The following MBTPS1 variants were observed in gnomAD, a reference collection of about 807,000 sequenced individuals.
MBTPS1 encodes membrane bound transcription factor peptidase, site 1.
MBTPS1 carries 94 observed loss-of-function variants against 127.8 expected under a neutral mutation model. The observed-to-expected ratio is 0.74, with a 90% CI of 0.62 to 0.87. MBTPS1 has a LOEUF of 0.87. Ranked by LOEUF, MBTPS1 falls within the 40% of genes least tolerant of loss-of-function variation. MBTPS1 has a pLI of 0.00. For missense variants in MBTPS1, 1,636 were observed against 1,353.2 expected (o/e 1.21, Z -3.28); for synonymous variants, 632 against 509.4 (o/e 1.24, Z -3.24).
chr16:84,075,019 T>G, intron 11 of MBTPS1: 1 of 248,336 alleles, frequency 4.0e-6, no homozygotes, highest in African/African-American at 2.2e-5. Context: ...AGAGAATGAG[T>G]ACGTGACCAG....
chr16:84,101,018 A>G (rs935552759), intron 2 of MBTPS1, among the ~76,000 whole-genome samples: 2 of 150,802 alleles, frequency 1.3e-5, no homozygotes, highest in African/African-American at 4.9e-5. Context: ...AAAAAAAAAA[A>G]GGCCTGGCAC....
intron 3 of MBTPS1, among the ~76,000 whole-genome samples, chr16:84,097,503 G>T (rs575655539): frequency 2.0e-5 from 3 of 152,272 alleles, no homozygotes; most frequent in Admixed American, 6.5e-5. Context: ...TCAGGCACCC[G>T]GAACACACGC....
At chr16:84,091,015 ACCATAC>A in intron 7 of MBTPS1, 73 bp from the exon 8 acceptor site, 1 of 906,772 alleles carries the variant, frequency 1.1e-6, no homozygotes, top group African/African-American at 1.7e-5. Flanking sequence ...AAAAAAAAAA[ACCATAC>A]ACAACGTCTA....
chr16:84,101,074 G>T (rs545859695), intron 2 of MBTPS1, among the ~76,000 whole-genome samples: 133 of 151,774 alleles, frequency 8.8e-4, no homozygotes, highest in Non-Finnish European at 1.6e-3. Flanking sequence ...GCCAAGGCAG[G>T]CGGATCACGA....
intron 21 of MBTPS1, 54 bp downstream of exon 21, chr16:84,059,248 G>A (rs536756892): frequency 4.5e-6 from 7 of 1,566,942 alleles, no homozygotes; most frequent in African/African-American, 4.1e-5. Context: ...TATAAGAAAA[G>A]CAATGACTCA....
chr16:84,060,957 C>A, intron 19 of MBTPS1, 144 bp from the exon 20 acceptor site: 1 of 705,170 alleles, frequency 1.4e-6, no homozygotes, highest in Non-Finnish European at 2.3e-6. Context: ...CCTCAGCCTC[C>A]CAAGTAGCTG....
At chr16:84,100,758 A>C (rs569274505) in intron 2 of MBTPS1, among the ~76,000 whole-genome samples, 1 of 152,216 alleles carries the variant, frequency 6.6e-6, no homozygotes, top group Admixed American at 6.5e-5. Flanking sequence ...GTGTAGGTAA[A>C]TAATTCATGT....
intron 10 of MBTPS1, 56 bp downstream of exon 10, chr16:84,084,927 A>C (rs977466345): frequency 1.3e-6 from 2 of 1,574,154 alleles, no homozygotes; most frequent in Non-Finnish European, 1.7e-6. Flanking sequence ...CTCTGCTGGC[A>C]CCGAGTGCTC....
rs1213093703 is a variant in MBTPS1 at position 84,085,042 on chromosome 16, G to A, written c.1227C>T (p.Ala409=). 1.2e-6 allele frequency: 2 copies of A among 1,614,170 alleles called. No individual in the cohort carries two copies. The highest frequency in any genetic ancestry group is 1.7e-6 in the Non-Finnish European group (2 of 1,180,032). Residue 409 remains alanine, a synonymous_variant, in exon 10 of 23, where the codon GCC becomes GCT. Transcript: ENST00000343411. ...GAGAAGCAACACTGGTCCCTGAGAG[G>A]GCCCGGCACCCCCCTTTCACGCCAG... ...RGSGVKGGCR[A]LSGTSVASPV... is the part of the protein sequence containing the mutation.
Position 84,099,108 on chromosome 16 carries a change from G to C in MBTPS1, c.366C>G (p.Asn122Lys). 1.2e-6 allele frequency: 2 copies of C among 1,614,158 alleles called. No homozygotes were observed. ...AGLLTLEDHP[N>K]IKRVTPQRKV... ...TTCGTTGGGGCGTGACCCGTTTGATGTTTGGATGATCTTCAAGTGTTAGCA... is the reference window on the plus strand; with the variant it reads ...TTCGTTGGGGCGTGACCCGTTTGATCTTTGGATGATCTTCAAGTGTTAGCA... Residue 122 changes from asparagine (N) to lysine (K), a missense_variant, in exon 3 of 23, where the codon AAC (asparagine) becomes AAG (lysine). Physicochemically the swap from Asn to Lys is moderately conservative, Grantham distance 94 (BLOSUM62 0). Coordinates refer to ENST00000343411, the MANE Select transcript of MBTPS1 (RefSeq NM_003791.4).
rs1253004274 is a variant in MBTPS1, at chr16:84,087,283, C to T, written c.1134+75G>A. The T allele has an allele frequency of 3.5e-6, 4 of 1,139,922 alleles. No homozygotes were observed. The African/African-American group carries it at 6.1e-5, about 17-fold the overall frequency. 70.6% of individuals were successfully genotyped at this position (1,139,922 alleles called of 1,614,324 possible). On this transcript the variant is annotated intron_variant, in intron 9 of 22. Transcript: ENST00000343411. ...GTGCACTTACAAATACACCCCAAGGCTCGTCAACAACCGGTGCCACTAGCC... is the reference window on the plus strand; with the variant it reads ...GTGCACTTACAAATACACCCCAAGGTTCGTCAACAACCGGTGCCACTAGCC...
At chr16:84,113,256 T>G (rs12596367) in intron 1 of MBTPS1, among the ~76,000 whole-genome samples, 77,242 of 151,962 alleles carry the variant, frequency 0.51, 20,016 homozygotes, top group East Asian at 0.74. Flanking sequence ...GCTGTTACTG[T>G]ATCCACTAAA....
chr16:84,093,118 A>G (rs2086132333), intron 6 of MBTPS1, 70 bp downstream of exon 6: 5 of 994,860 alleles, frequency 5.0e-6, no homozygotes, highest in Admixed American at 3.4e-5. Flanking sequence ...AAGTGTGTAC[A>G]GTCCAGTGAT....
chr16:84,076,144 T>C (rs1469065859), intron 11 of MBTPS1, among the ~76,000 whole-genome samples: 2 of 152,240 alleles, frequency 1.3e-5, no homozygotes, highest in Non-Finnish European at 2.9e-5. Flanking sequence ...ATTAATATCA[T>C]AAACCATATA....
chr16:84,069,948 A>G lies in MBTPS1; in HGVS notation c.1873T>C (p.Trp625Arg). ...TAGCGGAGGTTGTGGTACTGATCCC[A>G]GAGAACTCTCTTGCTTCGCGGGGGA... ...PTPPRSKRVLWDQYHNLRYPP... is the reference protein window; with the variant it reads ...PTPPRSKRVLRDQYHNLRYPP... Residue 625 changes from tryptophan (W) to arginine (R), a missense_variant, in exon 14 of 23, where the codon TGG (tryptophan) becomes CGG (arginine). Physicochemically the swap from Trp to Arg is moderately radical, Grantham distance 101. Transcript: ENST00000343411. 1 of 1,614,096 alleles carries G rather than the reference A, an allele frequency of 6.2e-7. No homozygotes were observed. Among genetic ancestry groups the G allele is most frequent in the Non-Finnish European group, 8.5e-7 (1 of 1,179,948 alleles).
At chr16:84,107,125 C>G (rs975281542) in intron 1 of MBTPS1, among the ~76,000 whole-genome samples, 2 of 152,090 alleles carry the variant, frequency 1.3e-5, no homozygotes, top group African/African-American at 4.8e-5. Context: ...TGGCAAAAGA[C>G]AGAGGGCACA....
At chr16:84,107,642 A>G (rs1308991001) in intron 1 of MBTPS1, among the ~76,000 whole-genome samples, 1 of 152,146 alleles carries the variant, frequency 6.6e-6, no homozygotes, top group African/African-American at 2.4e-5. Context: ...GAGACCAGTA[A>G]ATGATGGCAG....
intron 11 of MBTPS1, among the ~76,000 whole-genome samples, chr16:84,078,965 G>A (rs2085899650): frequency 6.6e-6 from 1 of 152,188 alleles, no homozygotes; most frequent in Admixed American, 6.5e-5. Flanking sequence ...CCAATCTCAC[G>A]CTGACGTGTA....
intron 11 of MBTPS1, among the ~76,000 whole-genome samples, chr16:84,076,063 C>A (rs2085850385): frequency 6.6e-6 from 1 of 152,142 alleles, no homozygotes; most frequent in South Asian, 2.1e-4. Context: ...CAGAATTCAA[C>A]ATCATATTAA....
Sources: allele counts gnomAD v4.1 joint callset (sites outside exome capture counted in the v4.1 genomes callset), GRCh38; gene constraint gnomAD v4.1.1; transcripts MANE v1.5; gene names NCBI Gene and HGNC (gene_info 2026-07-23, HGNC 2026-07-21).